Variants in ROBO2 observed in about 807,000 individuals in gnomAD.
ROBO2 encodes roundabout guidance receptor 2.
ROBO2 carries 53 observed loss-of-function variants against 160.8 expected under a neutral mutation model. The observed-to-expected ratio is 0.33, with a 90% CI of 0.26 to 0.41. The LOEUF is 0.41. ROBO2 is among the 10% of genes least tolerant of loss of function. The probability of loss-of-function intolerance (pLI) is 1.00; values close to 1 mark genes in which losing one functional copy is unlikely to be tolerated. For missense variants in ROBO2, 1,577 were observed against 1,722.4 expected, an observed-to-expected ratio of 0.92 and a Z score of 1.49; for synonymous variants, 664 against 611.7, an observed-to-expected ratio of 1.09 and a Z score of -1.26.
intron 2 of ROBO2, among the ~76,000 whole-genome samples, chr3:77,270,296 G>A (rs1471560819): frequency 2.0e-5 from 3 of 152,138 alleles, no homozygotes; most frequent in African/African-American, 7.2e-5. Flanking sequence ...ACGTAATCTT[G>A]TAAGTAAGAC....
intron 2 of ROBO2, among the ~76,000 whole-genome samples, chr3:76,622,235 GAAGAAAGAAAGA>G (rs66811756): frequency 0.042 from 1,882 of 44,444 alleles, 84 homozygotes; most frequent in African/African-American, 0.056. Context: ...AGGAAGGAAG[GAAGAAAGAAAGA>G]AAGAAAGAAA....
At chr3:76,280,628 C>T (rs923905842) in intron 2 of ROBO2, among the ~76,000 whole-genome samples, 1 of 151,978 alleles carries the variant, frequency 6.6e-6, no homozygotes, top group Admixed American at 6.6e-5. Context: ...GGATTCAGAG[C>T]CTTCTCTAAT....
rs527435692 is a variant in ROBO2, at chr3:76,403,596, T to C, written c.109+465994T>C. ...TAACCACAATGTTTACTCCACTACA[T>C]AGGTGCTTTAACTGCAGGCCACCAC... On this transcript the variant is annotated intron_variant, in intron 2 of 26. Coordinates refer to the ROBO2 transcript ENST00000487694. Among the ~76,000 whole-genome samples, 3 of 151,574 alleles carry C rather than the reference T, an allele frequency of 2.0e-5. No homozygotes were observed. In the East Asian group the frequency reaches 5.9e-4, roughly 30 times the overall value.
At chr3:76,898,719 A>G (rs2075002432) in intron 2 of ROBO2, among the ~76,000 whole-genome samples, 1 of 152,162 alleles carries the variant, frequency 6.6e-6, no homozygotes, top group Non-Finnish European at 1.5e-5. Flanking sequence ...ACGTTTGAGA[A>G]CAGCAAGTCT....
At chr3:76,854,079 C>CCT (rs148459468) in intron 2 of ROBO2, among the ~76,000 whole-genome samples, 18,146 of 132,322 alleles carry the variant, frequency 0.14, 1,611 homozygotes, top group East Asian at 0.26. Flanking sequence ...TCTCTGTCTG[C>CCT]CTCTCTCTCT....
At chr3:77,486,101 G>C (rs2085320176) in intron 4 of ROBO2, among the ~76,000 whole-genome samples, 4 of 152,180 alleles carry the variant, frequency 2.6e-5, no homozygotes, top group Non-Finnish European at 5.9e-5. Context: ...TCCCTGCAAA[G>C]GACATGATCT....
At chr3:76,573,671 T>G (rs1206693138) in intron 2 of ROBO2, among the ~76,000 whole-genome samples, 1 of 152,034 alleles carries the variant, frequency 6.6e-6, no homozygotes, top group Non-Finnish European at 1.5e-5. Flanking sequence ...CTAGTTCCCT[T>G]AATAATTTAT....
At chr3:77,592,202 T>A (rs967308276) in intron 17 of ROBO2, among the ~76,000 whole-genome samples, 1 of 152,204 alleles carries the variant, frequency 6.6e-6, no homozygotes, top group Admixed American at 6.5e-5. Flanking sequence ...GATTGTGTAC[T>A]AAATTGTATG....
intron 1 of ROBO2, among the ~76,000 whole-genome samples, chr3:77,069,062 A>G (rs1181832326): frequency 3.3e-5 from 5 of 152,180 alleles, no homozygotes; most frequent in Non-Finnish European, 7.3e-5. Context: ...CCAAGGCAGA[A>G]TTGAGTAGCT....
chr3:76,988,339 C>T (rs763646718), intron 2 of ROBO2, among the ~76,000 whole-genome samples: 27 of 152,126 alleles, frequency 1.8e-4, no homozygotes, highest in Non-Finnish European at 2.9e-4. Context: ...TCTCCACCAC[C>T]AAAGTGAAGT....
chr3:76,425,990 G>C (rs1004619277), intron 2 of ROBO2, among the ~76,000 whole-genome samples: 2 of 152,122 alleles, frequency 1.3e-5, no homozygotes, highest in African/African-American at 4.8e-5. Flanking sequence ...TAATACCTCT[G>C]TTTCCTTTAA....
Position 76,272,937 on chromosome 3 carries a change from A to AATATATAATATATATTT in ROBO2, c.109+335343_109+335344insTATATATTTATATATAA, listed in dbSNP as rs1559706470. ...TATAAAATATATATATTTATATATA[A>AATATATAATATATATTT]ATATATAAAATATATAATATATATT... On this transcript the variant is annotated intron_variant, in intron 2 of 26. Coordinates refer to the ROBO2 transcript ENST00000487694. Among the ~76,000 whole-genome samples, 96 of 23,332 alleles carry AATATATAATATATATTT rather than the reference A, an allele frequency of 4.1e-3. 6 individuals are homozygous for AATATATAATATATATTT. Among genetic ancestry groups the AATATATAATATATATTT allele is most frequent in the Non-Finnish European group, 4.9e-3 (35 of 7,182 alleles). 15.3% of individuals were successfully genotyped at this position (23,332 alleles called of 152,430 possible).
intron 2 of ROBO2, among the ~76,000 whole-genome samples, chr3:76,605,257 T>C (rs1485231002): frequency 6.6e-6 from 1 of 152,176 alleles, no homozygotes; most frequent in African/African-American, 2.4e-5. Context: ...TATTAAAGTT[T>C]CAGATGAAGA....
At chr3:76,854,376 A>G (rs2148565459) in intron 2 of ROBO2, among the ~76,000 whole-genome samples, 1 of 152,224 alleles carries the variant, frequency 6.6e-6, no homozygotes, top group Non-Finnish European at 1.5e-5. Context: ...CCAAAAGTGG[A>G]ATTACTGGTT....
chr3:77,036,076 T>C (rs148863396), upstream of ROBO2, among the ~76,000 whole-genome samples: 27 of 152,110 alleles, frequency 1.8e-4, no homozygotes, highest in African/African-American at 6.5e-4. Flanking sequence ...GGTAGATGTC[T>C]TAAATCAATC....
At chr3:76,809,467 C>T (rs750213060) in intron 2 of ROBO2, among the ~76,000 whole-genome samples, 10 of 152,136 alleles carry the variant, frequency 6.6e-5, no homozygotes, top group Non-Finnish European at 1.2e-4. Context: ...ACAAAGACAG[C>T]CTTATATAAC....
chr3:76,193,624 G>T (rs913498898), intron 2 of ROBO2, among the ~76,000 whole-genome samples: 1 of 152,124 alleles, frequency 6.6e-6, no homozygotes, highest in African/African-American at 2.4e-5. Context: ...AGTCTTGTTG[G>T]CATATGCCCA....
intron 2 of ROBO2, among the ~76,000 whole-genome samples, chr3:77,034,151 CA>C (rs1305936438): frequency 6.6e-6 from 1 of 151,550 alleles, no homozygotes; most frequent in Non-Finnish European, 1.5e-5. Context: ...AGAGAGAGAG[CA>C]ATGTCTTACT....
chr3:76,980,528 C>T (rs2060042718), intron 2 of ROBO2, among the ~76,000 whole-genome samples: 1 of 152,066 alleles, frequency 6.6e-6, no homozygotes, highest in Non-Finnish European at 1.5e-5. Flanking sequence ...AATGGGATAA[C>T]ATCAATAACA....
Sources: gnomAD v4.1 joint callset for allele counts (sites outside exome capture counted in the v4.1 genomes callset) on GRCh38, gnomAD v4.1.1 for gene constraint, MANE v1.5 for transcripts, NCBI Gene and HGNC (gene_info 2026-07-23, HGNC 2026-07-21) for gene names.